Variants in CIT observed in about 807,000 individuals in gnomAD.
The protein encoded by CIT is citron Rho-interacting kinase.
In CIT, 79 loss-of-function variants were observed where a neutral mutation model predicts 272.7. The observed-to-expected ratio is 0.29, with a 90% CI of 0.24 to 0.35. The LOEUF (loss-of-function observed/expected upper bound fraction) is 0.35, where lower values mean the gene tolerates loss of function less well. Among genes scored for constraint, CIT ranks in the 10% least tolerant of loss-of-function variants. The probability of loss-of-function intolerance (pLI) is 1.00; values close to 1 mark genes in which losing one functional copy is unlikely to be tolerated. For missense variants in CIT, 1,909 were observed against 2,618.3 expected (o/e 0.73, Z 5.91); for synonymous variants, 948 against 995.6 (o/e 0.95, Z 0.90).
chr12:119,868,555 T>G (rs1950579031), intron 3 of CIT, among the ~76,000 whole-genome samples: 1 of 152,148 alleles, frequency 6.6e-6, no homozygotes, highest in South Asian at 2.1e-4. Context: ...CACTCTTTTA[T>G]TCACACAGGG....
chr12:119,800,200 T>C (rs1327129917), intron 10 of CIT, among the ~76,000 whole-genome samples: 1 of 152,210 alleles, frequency 6.6e-6, no homozygotes, highest in East Asian at 1.9e-4. Context: ...GGGGATTTGG[T>C]TTGGGCTCTT....
intron 40 of CIT, among the ~76,000 whole-genome samples, chr12:119,707,732 C>T (rs574510200): frequency 7.2e-4 from 110 of 152,204 alleles, no homozygotes; most frequent in South Asian, 1.2e-3. Flanking sequence ...GATCTCTTGA[C>T]CTCGTGATCC....
rs1963059284 is a variant in CIT, at chr12:119,770,869, C to A, written c.2124G>T (p.Glu708Asp). Residue 708 changes from glutamate to aspartate, a missense_variant, in exon 18 of 48, where the codon GAG (glutamate) becomes GAT (aspartate). By Grantham distance (45) the Glu-to-Asp change is conservative. Around this residue, in one of 8 missense-constraint regions of CIT, gnomAD observed 530 missense variants for 822.4 expected, o/e 0.64. Transcript: ENST00000392521. This position sits in a 1 kb window ranked among gnomAD's most constrained non-coding sequence, Gnocchi z 4.4. ...HSLENKVKRLETMERRENRLK... is the reference protein window; with the variant it reads ...HSLENKVKRLDTMERRENRLK... ...GTCTGTTTTCTCTACGCTCCATGGT[C>A]TCTAGTCTCTTTACCTTGTTCTCCA... 1 of 1,612,852 alleles carries A rather than the reference C, an allele frequency of 6.2e-7. No homozygotes were observed. Among genetic ancestry groups the A allele is most frequent in the Non-Finnish European group, 8.5e-7 (1 of 1,179,870 alleles).
intron 24 of CIT, among the ~76,000 whole-genome samples, chr12:119,741,058 T>C (rs549334543): frequency 6.6e-6 from 1 of 152,236 alleles, no homozygotes; most frequent in South Asian, 2.1e-4. Context: ...TCCTAACAGC[T>C]TGATCCATTA....
intron 2 of CIT, among the ~76,000 whole-genome samples, chr12:119,874,811 C>CG (rs986858119): frequency 3.3e-5 from 5 of 150,082 alleles, no homozygotes; most frequent in African/African-American, 9.8e-5. Flanking sequence ...GCGTGAACCC[C>CG]GGGGGGCAGA....
chr12:119,719,527 C>A (rs943586369), intron 30 of CIT, among the ~76,000 whole-genome samples: 1 of 152,186 alleles, frequency 6.6e-6, no homozygotes, highest in Non-Finnish European at 1.5e-5. Context: ...AGCATAACAA[C>A]CATATACAGT....
Position 119,718,952 on chromosome 12 carries a change from A to C in CIT, c.3841-91T>G. 7.8e-7 allele frequency: 1 copy of C among 1,284,470 alleles called. No individual in the cohort carries two copies. Among genetic ancestry groups the C allele is most frequent in the Non-Finnish European group, 1.1e-6 (1 of 902,812 alleles). The allele number at this position is 1,284,470 out of a possible 1,614,324, so 79.6% of individuals were successfully genotyped here. On this transcript the variant is annotated intron_variant, in intron 30 of 47. Transcript: ENST00000392521. The surrounding 1 kb of genome is among the most constrained non-coding windows in gnomAD (Gnocchi z 4.8). ...ATCTGACTCGGGAGGAGCAAACCAC[A>C]AAAGCCAGGAGCATACTCACTGTAA...
At chr12:119,827,653 G>T (rs1207699525) in intron 7 of CIT, among the ~76,000 whole-genome samples, 1 of 152,066 alleles carries the variant, frequency 6.6e-6, no homozygotes, top group East Asian at 1.9e-4. Flanking sequence ...TGGCCAGGAT[G>T]GTCTCGATCT....
At chr12:119,724,640 G>A (rs1371509325) in intron 28 of CIT, among the ~76,000 whole-genome samples, 1 of 151,984 alleles carries the variant, frequency 6.6e-6, no homozygotes, top group Non-Finnish European at 1.5e-5. Flanking sequence ...ACAGATAGTG[G>A]CTATAAAGTG....
chr12:119,799,338 C>G (rs181931826), intron 10 of CIT, among the ~76,000 whole-genome samples: 1 of 152,156 alleles, frequency 6.6e-6, no homozygotes, highest in African/African-American at 2.4e-5. Flanking sequence ...CATCCATCCC[C>G]GCAAAAGTCC....
intron 9 of CIT, among the ~76,000 whole-genome samples, chr12:119,805,571 T>A (rs1230712442): frequency 6.6e-6 from 1 of 152,202 alleles, no homozygotes; most frequent in East Asian, 1.9e-4. Flanking sequence ...CATGTGGATG[T>A]TTGTGTTAAT....
At chr12:119,844,160 T>C (rs1192978568) in intron 5 of CIT, among the ~76,000 whole-genome samples, 1 of 151,898 alleles carries the variant, frequency 6.6e-6, no homozygotes, top group Non-Finnish European at 1.5e-5. Context: ...TAGCTGGGAT[T>C]ACAGGCGCCC....
At position 119,804,352 on chromosome 12, in the gene CIT, C is replaced by T. The variant is rs1966461881; in HGVS notation, c.1112-963G>A. The T allele has an allele frequency of 2.0e-6, 2 of 985,496 alleles. No homozygotes were observed. The highest frequency in any genetic ancestry group is 6.1e-5 in the Admixed American group (1 of 16,272). 61.0% of individuals were successfully genotyped at this position (985,496 alleles called of 1,614,324 possible). On this transcript the variant is annotated intron_variant, in intron 9 of 47. Transcript: ENST00000392521. The surrounding 1 kb of genome is among the most constrained non-coding windows in gnomAD (Gnocchi z 5.3). The stretch of plus-strand genomic sequence containing the variant: ...TGGTTGCAAGCTGAGGCGTCCGTGG[C>T]GGGCCAGCCAGGCGAGTTAGAGCCG...
chr12:119,737,456 GCTTT>G (rs1386757521), intron 24 of CIT, among the ~76,000 whole-genome samples: 3 of 151,622 alleles, frequency 2.0e-5, no homozygotes, highest in Non-Finnish European at 2.9e-5. Flanking sequence ...TTGGGTACCT[GCTTT>G]CTTTGATTCA....
intron 5 of CIT, among the ~76,000 whole-genome samples, chr12:119,835,776 G>C (rs1968951470): frequency 6.6e-6 from 1 of 152,090 alleles, no homozygotes; most frequent in Non-Finnish European, 1.5e-5. Context: ...CCTCAGGCTG[G>C]TCCAGTAAAA....
At chr12:119,875,788 C>A (rs1336388908) in intron 2 of CIT, among the ~76,000 whole-genome samples, 1 of 152,110 alleles carries the variant, frequency 6.6e-6, no homozygotes, top group East Asian at 1.9e-4. Flanking sequence ...TCGACCCTAG[C>A]CTGGCCAACA....
chr12:119,719,086 TA>T (rs1957700189), intron 30 of CIT: 2 of 503,040 alleles, frequency 4.0e-6, no homozygotes, highest in Non-Finnish European at 7.2e-6. Context: ...CCAAGAGGAT[TA>T]AAGATGCTTG....
In CIT at chr12:119,728,161, G is replaced by C. The variant is rs927761601; in HGVS notation, c.3591+341C>G. ...CAGAGTACAGAGGGTTTTTAGGGCA[G>C]TGAAACTATCCTGTATGATACAGTA... On this transcript the variant is annotated intron_variant, in intron 28 of 47. Coordinates refer to ENST00000392521, the MANE Select transcript of CIT (RefSeq NM_001206999.2). This position sits in a 1 kb window ranked among gnomAD's most constrained non-coding sequence, Gnocchi z 4.3. Among the ~76,000 whole-genome samples the C allele has an allele frequency of 1.3e-5, 2 of 152,148 alleles. No homozygotes were observed. Among genetic ancestry groups the C allele is most frequent in the African/African-American group, 4.8e-5 (2 of 41,434 alleles).
chr12:119,827,707 G>A (rs1378408784), intron 7 of CIT, among the ~76,000 whole-genome samples: 2 of 152,152 alleles, frequency 1.3e-5, no homozygotes, highest in African/African-American at 2.4e-5. Flanking sequence ...AAAGTGCTGG[G>A]ATTACAAGTG....
Sources: allele counts gnomAD v4.1 joint callset (sites outside exome capture counted in the v4.1 genomes callset), GRCh38; gene constraint gnomAD v4.1.1; regional missense constraint gnomAD v4.1.1; non-coding constraint Gnocchi (gnomAD v3.1); transcripts MANE v1.5; gene names NCBI Gene and HGNC (gene_info 2026-07-23, HGNC 2026-07-21).